Variants in TBPL2 observed in about 807,000 individuals in gnomAD.
The protein encoded by TBPL2 is TATA box-binding protein-like 2.
Under a neutral mutation model 38.2 loss-of-function variants are expected in TBPL2, and 40 were observed. That is an observed-to-expected ratio of 1.05 (90% confidence interval 0.81 to 1.36). TBPL2 has a LOEUF of 1.36. Among genes scored for constraint, TBPL2 ranks in the 40% most tolerant of loss-of-function variants. The pLI is 0.00. For synonymous variants in TBPL2, 169 were observed against 171.7 expected, an observed-to-expected ratio of 0.98 and a Z score of 0.12; for missense variants, 461 against 456.7, an observed-to-expected ratio of 1.01 and a Z score of -0.09.
At chr14:55,434,789 C>T (rs1265551581) in intron 3 of TBPL2, among the ~76,000 whole-genome samples, 2 of 152,162 alleles carry the variant, frequency 1.3e-5, no homozygotes, top group Non-Finnish European at 2.9e-5. Flanking sequence ...ACTAGGGCAA[C>T]AGCAAAAACA....
chr14:55,436,544 CA>C lies in TBPL2; in HGVS notation c.608+16del. The C allele has an allele frequency of 6.2e-7, 1 of 1,607,296 alleles. No individual in the cohort carries two copies. The highest frequency in any genetic ancestry group is 1.1e-5 in the South Asian group (1 of 90,848). The stretch of plus-strand genomic sequence containing the variant: ...GTGTACCCAATGTGCTCAATTAAAA[CA>C]AAAATAAAAACTTACTGTAGTTGAG... On this transcript the variant is annotated intron_variant, in intron 2 of 6. Coordinates refer to ENST00000247219, the Ensembl canonical transcript of TBPL2.
intron 5 of TBPL2, among the ~76,000 whole-genome samples, chr14:55,427,721 G>A (rs375905208): frequency 6.6e-6 from 1 of 152,080 alleles, no homozygotes; most frequent in Non-Finnish European, 1.5e-5. Flanking sequence ...CTGGGGGCGG[G>A]GGAGGAGCAC....
At chr14:55,428,733 C>A in intron 5 of TBPL2, 74 bp downstream of exon 5, 1 of 1,410,342 alleles carries the variant, frequency 7.1e-7, no homozygotes, top group Non-Finnish European at 9.6e-7. Flanking sequence ...CTGAAAGATA[C>A]TTTACGTAAG....
At chr14:55,430,144 G>A (rs1594792711) in intron 4 of TBPL2, among the ~76,000 whole-genome samples, 1 of 152,064 alleles carries the variant, frequency 6.6e-6, no homozygotes, top group African/African-American at 2.4e-5. Flanking sequence ...AACTGTTAGT[G>A]ACAAAACAAA....
intron 5 of TBPL2, among the ~76,000 whole-genome samples, chr14:55,427,263 T>C (rs1885840599): frequency 6.6e-6 from 1 of 151,088 alleles, no homozygotes; most frequent in Non-Finnish European, 1.5e-5. Context: ...GGGGTATATT[T>C]AGGCATTCAA....
At chr14:55,433,500 ATT>A (rs1885965302) in intron 4 of TBPL2, 128 bp downstream of exon 4, 1 of 849,482 alleles carries the variant, frequency 1.2e-6, no homozygotes, top group East Asian at 2.4e-5. Context: ...GTGGCATTTC[ATT>A]GAATAAAGTC....
intron 6 of TBPL2, among the ~76,000 whole-genome samples, chr14:55,421,864 T>G (rs1885749968): frequency 6.6e-6 from 1 of 152,250 alleles, no homozygotes; most frequent in Non-Finnish European, 1.5e-5. Flanking sequence ...GTCATTTTGC[T>G]GGATGCTGAG....
chr14:55,421,747 G>A (rs1053578723), intron 6 of TBPL2, among the ~76,000 whole-genome samples: 1 of 152,166 alleles, frequency 6.6e-6, no homozygotes, highest in African/African-American at 2.4e-5. Flanking sequence ...ACAGGCGTGA[G>A]CCACCATACC....
chr14:55,428,687 G>C (rs1236422798), intron 5 of TBPL2, 120 bp downstream of exon 5: 2 of 1,084,348 alleles, frequency 1.8e-6, no homozygotes, highest in Non-Finnish European at 2.6e-6. Flanking sequence ...TTTCACTATT[G>C]TGTCCCCCGC....
At chr14:55,432,421 A>AG (rs1386109335) in intron 4 of TBPL2, among the ~76,000 whole-genome samples, 1 of 149,924 alleles carries the variant, frequency 6.7e-6, no homozygotes, top group Non-Finnish European at 1.5e-5. Context: ...TCAGAAAAAA[A>AG]AAAACAACAA....
Position 55,429,077 on chromosome 14 carries a change from A to G in TBPL2, c.789-103T>C. ...CCATTTGTACCACGTTTATCTTTCA[A>G]TGTATACTATGAAGCTGTAGGCTTT... On this transcript the variant is annotated intron_variant, in intron 4 of 6. Coordinates refer to ENST00000247219, the Ensembl canonical transcript of TBPL2. The G allele has an allele frequency of 3.6e-6, 5 of 1,387,882 alleles. No individual in the cohort carries two copies. In the South Asian group the frequency reaches 5.3e-5, roughly 15 times the overall value. The allele number at this position is 1,387,882 out of a possible 1,614,324, so 86.0% of individuals were successfully genotyped here.
At chr14:55,418,367 A>G (rs189115790) in intron 6 of TBPL2, among the ~76,000 whole-genome samples, 5 of 152,318 alleles carry the variant, frequency 3.3e-5, no homozygotes, top group East Asian at 1.9e-4. Context: ...AACCTCCAAT[A>G]CTACGTGGAT....
intron 4 of TBPL2, among the ~76,000 whole-genome samples, chr14:55,432,425 AC>A (rs1417623052): frequency 2.7e-5 from 4 of 145,560 alleles, no homozygotes; most frequent in African/African-American, 5.3e-5. Flanking sequence ...AAAAAAAAAA[AC>A]AACAAATAAA....
At chr14:55,428,599 G>T (rs75444477) in intron 5 of TBPL2, among the ~76,000 whole-genome samples, 11,257 of 152,036 alleles carry the variant, frequency 0.074, 425 homozygotes, top group Non-Finnish European at 0.085. Flanking sequence ...GCTAAGCAAT[G>T]TAAGTTTAAG....
chr14:55,439,565 G>A (rs531741566), intron 1 of TBPL2, among the ~76,000 whole-genome samples: 1 of 149,078 alleles, frequency 6.7e-6, no homozygotes, highest in Non-Finnish European at 1.5e-5. Flanking sequence ...CAAGGTGGGT[G>A]GGATGACTTG....
At chr14:55,414,349 C>A (rs1444843441) in exon 7 of TBPL2, 2 of 1,532,580 alleles carry the variant, frequency 1.3e-6, no homozygotes, top group Non-Finnish European at 1.8e-6. Flanking sequence ...ATATTCAAAC[C>A]AGAATAATGT....
At chr14:55,428,713 C>A in intron 5 of TBPL2, 94 bp downstream of exon 5, 33 of 1,275,478 alleles carry the variant, frequency 2.6e-5, no homozygotes, top group Middle Eastern at 2.9e-4. Context: ...TTTTTTTAAT[C>A]ACAATTTCTC....
chr14:55,422,156 T>A (rs1885754407), intron 6 of TBPL2, among the ~76,000 whole-genome samples: 1 of 152,160 alleles, frequency 6.6e-6, no homozygotes, highest in Non-Finnish European at 1.5e-5. Flanking sequence ...AAAGGAGTCA[T>A]CCAAAATTAA....
intron 4 of TBPL2, among the ~76,000 whole-genome samples, chr14:55,430,613 C>A (rs1475165219): frequency 1.3e-5 from 2 of 152,048 alleles, no homozygotes; most frequent in South Asian, 4.1e-4. Context: ...CCAGGCTGGG[C>A]TCAAACTCCA....
Sources: allele counts gnomAD v4.1 joint callset (sites outside exome capture counted in the v4.1 genomes callset), GRCh38; gene constraint gnomAD v4.1.1; transcripts MANE v1.5; gene names NCBI Gene and HGNC (gene_info 2026-07-23, HGNC 2026-07-21).